Variants in SOX5 observed in about 807,000 individuals in gnomAD.
SOX5 encodes the protein SRY-box transcription factor 5.
SOX5 carries 9 observed loss-of-function variants against 92.0 expected under a neutral mutation model. The ratio of observed to expected loss-of-function variants is 0.10; its 90% CI spans 0.06 to 0.17. The LOEUF (loss-of-function observed/expected upper bound fraction) is 0.17. Among genes scored for constraint, SOX5 ranks in the 10% least tolerant of loss-of-function variants. SOX5 has a pLI of 1.00. For synonymous variants in SOX5, 344 were observed against 336.3 expected (o/e 1.02, Z -0.25); for missense variants, 642 against 944.5 (o/e 0.68, Z 4.20).
In SOX5 at chr12:24,376,690, C is replaced by CTTTTT. The variant is rs1164391418; in HGVS notation, c.-250-8056_-250-8052dup. Among the ~76,000 whole-genome samples the CTTTTT allele has an allele frequency of 7.6e-4, 54 of 70,608 alleles. 10 individuals carry two copies. Among genetic ancestry groups the CTTTTT allele is most frequent in the African/African-American group, 1.0e-3 (18 of 17,748 alleles). The allele number at this position is 70,608 out of a possible 152,430, so 46.3% of individuals were successfully genotyped here. A position where few individuals can be genotyped will look rare whatever the true frequency, so the allele number is the denominator to read the frequency against. On this transcript the variant is annotated intron_variant, in intron 1 of 4. Transcript: ENST00000446891. ...CAGAATGATGCTATGGGAGAGATAC[C>CTTTTT]TTTTTTTTTTTTTTTTTTTTTTTTT...
chr12:24,345,923 C>G (rs1056477212), intron 2 of SOX5, among the ~76,000 whole-genome samples: 2 of 152,160 alleles, frequency 1.3e-5, no homozygotes. Flanking sequence ...TCTAGGTACA[C>G]CTTTCCTTCT....
rs553943220 is a variant in SOX5, at chr12:24,521,678, A to G, written c.-251+40651T>C. 2.6e-4 allele frequency among the ~76,000 whole-genome samples: 40 copies of G among 152,340 alleles called. 1 individual carries two copies. Among genetic ancestry groups the G allele is most frequent in the African/African-American group, 9.1e-4 (38 of 41,586 alleles). On this transcript the variant is annotated intron_variant, in intron 1 of 4. Transcript: ENST00000446891. ...AGAAAATGAGAAAATTCACAAACGC[A>G]TGGAAAGTAAACAACACACTCTTGA...
rs571331559 is a variant in SOX5, at chr12:24,135,704, G to A, written c.-2+77639C>T. On this transcript the variant is annotated intron_variant, in intron 4 of 4. Coordinates refer to the SOX5 transcript ENST00000446891. ...GGATGGAGGGATGGCTGTCAGGATGGGATCTGGGGATGCTTAAGAGAAAAA... is the reference window on the plus strand; with the variant it reads ...GGATGGAGGGATGGCTGTCAGGATGAGATCTGGGGATGCTTAAGAGAAAAA... Among the ~76,000 whole-genome samples, 21 of 152,256 alleles carry A rather than the reference G, an allele frequency of 1.4e-4. 1 individual carries two copies. The South Asian group carries it at 4.3e-3, about 32-fold the overall frequency.
intron 1 of SOX5, among the ~76,000 whole-genome samples, chr12:24,442,268 A>G (rs940048375): frequency 8.5e-5 from 13 of 152,182 alleles, no homozygotes; most frequent in African/African-American, 2.7e-4. Flanking sequence ...CATGTAGATT[A>G]TGTCCTCTTA....
intron 4 of SOX5, among the ~76,000 whole-genome samples, chr12:24,151,815 G>GTC (rs34705918): frequency 0.033 from 5,059 of 151,852 alleles, 104 homozygotes; most frequent in South Asian, 0.081. Flanking sequence ...GATAGACAAC[G>GTC]TCTCTCTCTC....
At chr12:23,643,644 G>A (rs1242997069) in intron 7 of SOX5, among the ~76,000 whole-genome samples, 2 of 152,204 alleles carry the variant, frequency 1.3e-5, no homozygotes, top group African/African-American at 4.8e-5. Flanking sequence ...AAGAGACTGA[G>A]AAGAAATGTA....
intron 1 of SOX5, among the ~76,000 whole-genome samples, chr12:24,547,873 T>C (rs1952796037): frequency 6.6e-6 from 1 of 152,184 alleles, no homozygotes. Context: ...AGTGTTCGTA[T>C]CCCCTGGCAG....
chr12:24,199,463 A>G (rs1957316221), intron 4 of SOX5, among the ~76,000 whole-genome samples: 1 of 152,210 alleles, frequency 6.6e-6, no homozygotes, highest in Admixed American at 6.5e-5. Flanking sequence ...GTCTGAACGG[A>G]TGACTTCTAA....
intron 13 of SOX5, among the ~76,000 whole-genome samples, chr12:23,541,300 T>G (rs1362933256): frequency 6.6e-6 from 1 of 152,206 alleles, no homozygotes; most frequent in African/African-American, 2.4e-5. Context: ...TTTTTGGTAT[T>G]CAGACACAAG....
At chr12:24,312,437 C>A (rs1276695798) in intron 2 of SOX5, among the ~76,000 whole-genome samples, 1 of 152,192 alleles carries the variant, frequency 6.6e-6, no homozygotes, top group African/African-American at 2.4e-5. Flanking sequence ...CCTGCCATTT[C>A]TTCACCTTTA....
At chr12:24,211,008 C>G (rs1262221022) in intron 4 of SOX5, among the ~76,000 whole-genome samples, 1 of 152,130 alleles carries the variant, frequency 6.6e-6, no homozygotes, top group East Asian at 1.9e-4. Flanking sequence ...AGTCAAGGTC[C>G]TATTATGGTC....
intron 2 of SOX5, among the ~76,000 whole-genome samples, chr12:24,325,927 A>G (rs764574640): frequency 6.6e-5 from 10 of 152,180 alleles, no homozygotes; most frequent in Non-Finnish European, 1.3e-4. Context: ...TGTATGTTAG[A>G]TAAGATGTTC....
chr12:24,050,775 G>C (rs1957485456), intron 4 of SOX5, among the ~76,000 whole-genome samples: 1 of 152,036 alleles, frequency 6.6e-6, no homozygotes. Flanking sequence ...TATGAGGTAA[G>C]AAATATAAGA....
At chr12:23,953,577 A>C (rs573895285), upstream of SOX5, among the ~76,000 whole-genome samples, 1 of 152,190 alleles carries the variant, frequency 6.6e-6, no homozygotes, top group African/African-American at 2.4e-5. Flanking sequence ...TTAAAAAGTT[A>C]TAACAATTCT....
intron 3 of SOX5, among the ~76,000 whole-genome samples, chr12:23,827,725 T>A (rs571982031): frequency 6.6e-6 from 1 of 152,326 alleles, no homozygotes; most frequent in African/African-American, 2.4e-5. Flanking sequence ...TATAGGTTAA[T>A]AGATGGATCC....
At chr12:24,431,393 T>C (rs1430668549) in intron 1 of SOX5, among the ~76,000 whole-genome samples, 1 of 152,200 alleles carries the variant, frequency 6.6e-6, no homozygotes, top group Non-Finnish European at 1.5e-5. Context: ...TTTAGCTTTA[T>C]TAAGGCAAAA....
chr12:24,191,257 G>A (rs751767553), intron 4 of SOX5, among the ~76,000 whole-genome samples: 1 of 152,200 alleles, frequency 6.6e-6, no homozygotes, highest in Non-Finnish European at 1.5e-5. Context: ...TAGCAGCCAG[G>A]ATCCTGGTGT....
chr12:24,019,463 T>C (rs1284221593), intron 4 of SOX5, among the ~76,000 whole-genome samples: 2 of 152,190 alleles, frequency 1.3e-5, no homozygotes, highest in African/African-American at 4.8e-5. Flanking sequence ...GAAGGAACCA[T>C]AGGGATCCAC....
chr12:23,952,575 A>G (rs528942833), upstream of SOX5, among the ~76,000 whole-genome samples: 1 of 152,348 alleles, frequency 6.6e-6, no homozygotes, highest in Non-Finnish European at 1.5e-5. Flanking sequence ...TAGTTTTTTG[A>G]CTTCAATATA....
Sources: allele counts gnomAD v4.1 joint callset (sites outside exome capture counted in the v4.1 genomes callset), GRCh38; gene constraint gnomAD v4.1.1; transcripts MANE v1.5; gene names NCBI Gene and HGNC (gene_info 2026-07-23, HGNC 2026-07-21).